Variants in THBS4 observed in about 807,000 individuals in gnomAD.
THBS4 encodes thrombospondin 4.
A neutral mutation model predicts 115.7 loss-of-function variants in THBS4; 90 were observed. The ratio of observed to expected loss-of-function variants is 0.78; its 90% CI spans 0.66 to 0.93. The LOEUF is 0.93. THBS4 is among the 40% of genes least tolerant of loss of function. The probability of loss-of-function intolerance (pLI) is 0.00; values close to 1 mark genes in which losing one functional copy is unlikely to be tolerated. For missense variants in THBS4, 1,087 were observed against 1,232.7 expected, an observed-to-expected ratio of 0.88 and a Z score of 1.77; for synonymous variants, 460 against 479.3, an observed-to-expected ratio of 0.96 and a Z score of 0.53.
At chr5:80,068,845 T>C (rs1044674764) in intron 10 of THBS4, 6 of 152,752 alleles carry the variant, frequency 3.9e-5, no homozygotes, top group African/African-American at 1.4e-4. Flanking sequence ...GTGGGCCCTA[T>C]GTGAAGGAGA....
intron 3 of THBS4, among the ~76,000 whole-genome samples, chr5:80,056,818 C>T (rs1833447782): frequency 6.6e-6 from 1 of 152,184 alleles, no homozygotes; most frequent in African/African-American, 2.4e-5. Flanking sequence ...ACCTCTCAAT[C>T]CTCACTTTCC....
At chr5:80,060,536 G>T (rs946847337) in intron 7 of THBS4, among the ~76,000 whole-genome samples, 3 of 152,254 alleles carry the variant, frequency 2.0e-5, no homozygotes, top group Admixed American at 6.5e-5. Context: ...GAGGCAGGAG[G>T]ATCACATGAG....
intron 20 of THBS4, among the ~76,000 whole-genome samples, chr5:80,080,436 T>G (rs1194364160): frequency 6.6e-6 from 1 of 151,958 alleles, no homozygotes; most frequent in Admixed American, 6.6e-5. Context: ...TGGCAGGGTC[T>G]CTTCTCCACA....
intron 2 of THBS4, among the ~76,000 whole-genome samples, chr5:80,017,364 G>GT (rs558046641): frequency 1.3e-5 from 2 of 152,034 alleles, no homozygotes; most frequent in South Asian, 4.1e-4. Flanking sequence ...CAAAATGTGT[G>GT]TTTTTTTAAG....
At chr5:80,082,627 C>CA (rs1759854803) in intron 21 of THBS4, 82 bp downstream of exon 21, 5 of 1,543,724 alleles carry the variant, frequency 3.2e-6, no homozygotes, top group Non-Finnish European at 4.4e-6. Context: ...CCGCACTTCC[C>CA]CCCCAAAAGC....
chr5:80,026,195 A>G (rs1832473019), intron 2 of THBS4, among the ~76,000 whole-genome samples: 1 of 152,252 alleles, frequency 6.6e-6, no homozygotes, highest in Admixed American at 6.5e-5. Context: ...ATGAACCTGG[A>G]TCATTTTAAT....
chr5:80,080,319 A>T (rs1165124668), intron 20 of THBS4: 1 of 490,868 alleles, frequency 2.0e-6, no homozygotes, highest in Non-Finnish European at 3.7e-6. Context: ...AGCTGAGGGG[A>T]CGACCCAGCG....
chr5:80,027,761 T>C lies in THBS4; in HGVS notation n.178-12316T>C, dbSNP rs574513940. On this transcript the variant is annotated intron_variant and non_coding_transcript_variant, in intron 2 of 3. Coordinates refer to the THBS4 transcript ENST00000510218. ...AAAAAATACAAAAATTGGCCAGGCATGTAGTGGACACATGTAATCCCAGCT... is the reference window on the plus strand; with the variant it reads ...AAAAAATACAAAAATTGGCCAGGCACGTAGTGGACACATGTAATCCCAGCT... Among the ~76,000 whole-genome samples the C allele has an allele frequency of 5.3e-5, 8 of 151,594 alleles. No homozygotes were observed. The East Asian group carries it at 9.8e-4, about 19-fold the overall frequency.
Position 80,035,886 on chromosome 5 carries a change from G to T in THBS4, c.88+261G>T, listed in dbSNP as rs1343179530. The T allele has an allele frequency of 2.6e-5, 19 of 743,212 alleles. No homozygotes were observed. The highest frequency in any genetic ancestry group is 3.4e-5 in the Non-Finnish European group (19 of 556,766). The allele number at this position is 743,212 out of a possible 1,614,324, so 46.0% of individuals were successfully genotyped here. A position where few individuals can be genotyped will look rare whatever the true frequency, so the allele number is the denominator to read the frequency against. On this transcript the variant is annotated intron_variant, in intron 1 of 21. Coordinates refer to ENST00000350881, the MANE Select transcript of THBS4 (RefSeq NM_003248.6). This position sits in a 1 kb window ranked among gnomAD's most constrained non-coding sequence, Gnocchi z 4.6. ...GTTTCAGACTATGCAAAGATGTGGGGTGGGGTTGCCTTCAAAACTTGCTAC... is the reference window on the plus strand; with the variant it reads ...GTTTCAGACTATGCAAAGATGTGGGTTGGGGTTGCCTTCAAAACTTGCTAC...
intron 13 of THBS4, among the ~76,000 whole-genome samples, chr5:80,071,511 T>G (rs1404022534): frequency 6.6e-6 from 1 of 152,112 alleles, no homozygotes; most frequent in Non-Finnish European, 1.5e-5. Flanking sequence ...CACTATCCTT[T>G]CTACATGTGA....
At chr5:80,076,290 A>T (rs1286509982) in intron 15 of THBS4, 1 of 152,222 alleles carries the variant, frequency 6.6e-6, no homozygotes. Flanking sequence ...ATATAACGGA[A>T]AACACTGTAG....
At chr5:80,018,320 C>T (rs535556498) in intron 2 of THBS4, among the ~76,000 whole-genome samples, 1 of 150,330 alleles carries the variant, frequency 6.7e-6, no homozygotes, top group African/African-American at 2.4e-5. Context: ...GTCCAGTCTG[C>T]TGTTTAATTC....
intron 2 of THBS4, among the ~76,000 whole-genome samples, chr5:80,000,441 C>G (rs1831876287): frequency 6.6e-6 from 1 of 152,178 alleles, no homozygotes. Flanking sequence ...TCTCCCACAT[C>G]TACCCAGTAA....
At chr5:79,994,565 G>A (rs564290991) in intron 1 of THBS4, among the ~76,000 whole-genome samples, 2 of 152,302 alleles carry the variant, frequency 1.3e-5, no homozygotes, top group East Asian at 1.9e-4. Flanking sequence ...TGTAATCCTA[G>A]CACTTTGGGA....
intron 10 of THBS4, among the ~76,000 whole-genome samples, chr5:80,069,572 T>C (rs1021408419): frequency 1.1e-4 from 16 of 152,224 alleles, no homozygotes; most frequent in Non-Finnish European, 4.4e-5. Flanking sequence ...CGACAGATGG[T>C]AAAGGATTAA....
In THBS4 at chr5:80,070,317, T is replaced by C; in HGVS notation, c.1359T>C (p.Gly453=). 1 of 1,587,650 alleles carries C rather than the reference T, an allele frequency of 6.3e-7. No individual in the cohort carries two copies. Among genetic ancestry groups the C allele is most frequent in the Non-Finnish European group, 8.6e-7 (1 of 1,168,842 alleles). ...QGDVTCVCGV[G]WAGDGYICGK... ...CTTTCCCTTTACAGTGTGGAGTCGG[T>C]TGGGCTGGAGATGGCTATATCTGTG... Residue 453 remains glycine, a synonymous_variant, in exon 11 of 22, where the codon GGT becomes GGC. Coordinates refer to ENST00000350881, the MANE Select transcript of THBS4 (RefSeq NM_003248.6).
chr5:80,025,769 C>CCTTCT (rs1580921046), intron 2 of THBS4, among the ~76,000 whole-genome samples: 2 of 152,186 alleles, frequency 1.3e-5, no homozygotes, highest in Non-Finnish European at 2.9e-5. Flanking sequence ...CACGCGTTCC[C>CCTTCT]CTTCTCTGTT....
At chr5:80,077,774 C>T (rs544115917) in intron 16 of THBS4, among the ~76,000 whole-genome samples, 7 of 152,326 alleles carry the variant, frequency 4.6e-5, no homozygotes, top group African/African-American at 1.4e-4. Context: ...GTAATAAGAA[C>T]TTCTTGAGGA....
intron 9 of THBS4, 114 bp from the exon 10 acceptor site, chr5:80,067,859 T>G: frequency 7.9e-7 from 1 of 1,258,798 alleles, no homozygotes; most frequent in Non-Finnish European, 1.1e-6. Flanking sequence ...ATCTGATGCC[T>G]GATTCCTGCC....
Sources: allele counts gnomAD v4.1 joint callset (sites outside exome capture counted in the v4.1 genomes callset), GRCh38; gene constraint gnomAD v4.1.1; non-coding constraint Gnocchi (gnomAD v3.1); transcripts MANE v1.5; gene names NCBI Gene and HGNC (gene_info 2026-07-23, HGNC 2026-07-21).